PCDHGB3: variants seen among roughly 807,000 people sequenced by gnomAD.
PCDHGB3 encodes the protein protocadherin gamma-B3.
PCDHGB3 carries 40 observed loss-of-function variants against 59.2 expected under a neutral mutation model. That is an observed-to-expected ratio of 0.68 (90% CI 0.52 to 0.88). PCDHGB3 has a LOEUF of 0.88. PCDHGB3 is among the 40% of genes least tolerant of loss of function. PCDHGB3 has a pLI of 0.00. For missense variants in PCDHGB3, 1,309 were observed against 1,187.9 expected, an observed-to-expected ratio of 1.10 and a Z score of -1.50; for synonymous variants, 581 against 503.6, an observed-to-expected ratio of 1.15 and a Z score of -2.06.
chr5:141,428,043 A>G, intron 1 of PCDHGB3: 1 of 1,608,722 alleles, frequency 6.2e-7, no homozygotes, highest in Non-Finnish European at 8.5e-7. Flanking sequence ...CTACCTGGTG[A>G]CCAAGGTGGT....
chr5:141,492,026 G>A, intron 1 of PCDHGB3: 1 of 567,198 alleles, frequency 1.8e-6, no homozygotes, highest in South Asian at 2.9e-5. Flanking sequence ...GGGGTCCCGG[G>A]AGGAGGCAGT....
In PCDHGB3 at chr5:141,433,172, G is replaced by C. The variant is rs147848043; in HGVS notation, c.2415+60363G>C. 533 of 1,610,720 alleles carry C rather than the reference G, an allele frequency of 3.3e-4. 5 individuals carry two copies. In the South Asian group the frequency reaches 5.0e-3, roughly 15 times the overall value. On this transcript the variant is annotated intron_variant, in intron 1 of 3. Transcript: ENST00000576222. ...TTCGGTATTTTCTAAAGACAGTCAT[G>C]GGTTAATTGAGGTGAGTTTATATCA...
intron 1 of PCDHGB3, chr5:141,383,327 T>G (rs576010988): frequency 1.2e-6 from 2 of 1,613,978 alleles, no homozygotes; most frequent in South Asian, 2.2e-5. Context: ...GTAAAAATAA[T>G]GGAGAATACA....
Position 141,490,479 on chromosome 5 carries a change from C to A in PCDHGB3, c.2416-4328C>A. 6.2e-7 allele frequency: 1 copy of A among 1,614,216 alleles called. No homozygotes were observed. Among genetic ancestry groups the A allele is most frequent in the South Asian group, 1.1e-5 (1 of 91,086 alleles). On this transcript the variant is annotated intron_variant, in intron 1 of 3. Transcript: ENST00000576222. The surrounding 1 kb of genome is among the most constrained non-coding windows in gnomAD (Gnocchi z 5.4). ...CGCTGCTAACCAGCCAGCCTTTGGA[C>A]CGGGAGGCCACATCCCACTATATCA...
chr5:141,374,122 G>C, intron 1 of PCDHGB3: 5 of 1,597,596 alleles, frequency 3.1e-6, no homozygotes, highest in Non-Finnish European at 4.3e-6. Context: ...GCAGCGAGCA[G>C]GTCCTGCTCC....
At chr5:141,452,742 G>C (rs779371001) in intron 1 of PCDHGB3, among the ~76,000 whole-genome samples, 7 of 152,010 alleles carry the variant, frequency 4.6e-5, no homozygotes, top group Non-Finnish European at 8.8e-5. Context: ...GGAAGAGAGA[G>C]AAGGAAGAAG....
At chr5:141,405,173 G>A (rs774181376) in intron 1 of PCDHGB3, 1 of 1,614,122 alleles carries the variant, frequency 6.2e-7, no homozygotes, top group Non-Finnish European at 8.5e-7. Context: ...CTCACACTTT[G>A]TGGGTGTAGA....
intron 1 of PCDHGB3, chr5:141,373,991 A>G (rs1241221882): frequency 8.2e-7 from 1 of 1,223,018 alleles, no homozygotes; most frequent in Non-Finnish European, 1.1e-6. Context: ...CTGCTTGTTG[A>G]AGGACCTTCA....
In PCDHGB3 at chr5:141,407,217, G is replaced by C. The variant is rs181833770; in HGVS notation, c.2415+34408G>C. 5.8e-3 allele frequency among the ~76,000 whole-genome samples: 885 copies of C among 151,964 alleles called. 4 individuals carry two copies. Among genetic ancestry groups the C allele is most frequent in the Non-Finnish European group, 9.1e-3 (620 of 67,966 alleles). ...TCAAACACGTTTTCCCCCTTAAGTG[G>C]GTAGCAAAAAAAATAAAGCATACTT... On this transcript the variant is annotated intron_variant, in intron 1 of 3. Transcript: ENST00000576222.
In PCDHGB3 at chr5:141,476,715, G is replaced by A. The variant is rs199871912; in HGVS notation, c.2416-18092G>A. 12 of 1,614,168 alleles carry A rather than the reference G, an allele frequency of 7.4e-6. No individual in the cohort carries two copies. The highest frequency in any genetic ancestry group is 1.7e-5 in the Admixed American group (1 of 60,032). On this transcript the variant is annotated intron_variant, in intron 1 of 3. Coordinates refer to ENST00000576222, the MANE Select transcript of PCDHGB3 (RefSeq NM_018924.5). The surrounding 1 kb of genome is among the most constrained non-coding windows in gnomAD (Gnocchi z 7.6). ...AAGTACGCGGAGCTGGTGTTGGAGC[G>A]CGCCCTGGACCGAGAACGGGAGCCT...
At position 141,486,408 on chromosome 5, in the gene PCDHGB3, C is replaced by G; in HGVS notation, c.2416-8399C>G. The G allele has an allele frequency of 1.2e-6, 2 of 1,614,156 alleles. No homozygotes were observed. The highest frequency in any genetic ancestry group is 1.7e-6 in the Non-Finnish European group (2 of 1,180,014). Reference sequence around the variant, plus strand: ...CAGTTCTCCCTGGTGACTGCTGGACCCTTGGATCGAGAGGCCAAATCTAGC... The same window carrying G: ...CAGTTCTCCCTGGTGACTGCTGGACGCTTGGATCGAGAGGCCAAATCTAGC... On this transcript the variant is annotated intron_variant, in intron 1 of 3. Transcript: ENST00000576222. This position sits in a 1 kb window ranked among gnomAD's most constrained non-coding sequence, Gnocchi z 5.0.
chr5:141,486,011 T>C lies in PCDHGB3; in HGVS notation c.2416-8796T>C. The C allele has an allele frequency of 6.2e-7, 1 of 1,614,188 alleles. No individual in the cohort carries two copies. Among genetic ancestry groups the C allele is most frequent in the Non-Finnish European group, 8.5e-7 (1 of 1,180,014 alleles). ...GGGTCCCAGTGGTAACGTCACCTTTTATTTCAGTGGTCATACCCCTGATCG... is the reference window on the plus strand; with the variant it reads ...GGGTCCCAGTGGTAACGTCACCTTTCATTTCAGTGGTCATACCCCTGATCG... On this transcript the variant is annotated intron_variant, in intron 1 of 3. Coordinates refer to ENST00000576222, the MANE Select transcript of PCDHGB3 (RefSeq NM_018924.5). This position sits in a 1 kb window ranked among gnomAD's most constrained non-coding sequence, Gnocchi z 5.0.
At chr5:141,409,324 G>C (rs759596277) in intron 1 of PCDHGB3, 1 of 1,614,000 alleles carries the variant, frequency 6.2e-7, no homozygotes, top group East Asian at 2.2e-5. Context: ...CACGGGATCT[G>C]GATTTCGGAG....
At chr5:141,505,302 G>A (rs1733345360) in intron 2 of PCDHGB3, 91 bp from the exon 3 acceptor site, 1 of 1,592,596 alleles carries the variant, frequency 6.3e-7, no homozygotes, top group Admixed American at 1.7e-5. Flanking sequence ...TAGGGTTAGG[G>A]TACTAGGTTT....
chr5:141,474,518 G>T (rs1054372142), intron 1 of PCDHGB3, among the ~76,000 whole-genome samples: 1 of 152,168 alleles, frequency 6.6e-6, no homozygotes, highest in African/African-American at 2.4e-5. Context: ...CCTCTTGCTG[G>T]TCTGGCTAAT....
In PCDHGB3 at chr5:141,489,255, A is replaced by G. The variant is rs909780010; in HGVS notation, c.2416-5552A>G. 2 of 1,548,804 alleles carry G rather than the reference A, an allele frequency of 1.3e-6. No individual in the cohort carries two copies. Among genetic ancestry groups the G allele is most frequent in the Non-Finnish European group, 1.7e-6 (2 of 1,147,848 alleles). On this transcript the variant is annotated intron_variant, in intron 1 of 3. Coordinates refer to ENST00000576222, the MANE Select transcript of PCDHGB3 (RefSeq NM_018924.5). The surrounding 1 kb of genome is among the most constrained non-coding windows in gnomAD (Gnocchi z 4.5). ...ACTTCTGGGTCATGGGGCCCAAGAC[A>G]CTCCCACAGCTCGCTGGGAAATGGC...
Position 141,371,977 on chromosome 5 carries a change from T to C in PCDHGB3, c.1583T>C (p.Phe528Ser), listed in dbSNP as rs1768257593. 1.2e-6 allele frequency: 2 copies of C among 1,613,238 alleles called. No individual in the cohort carries two copies. Among genetic ancestry groups the C allele is most frequent in the Non-Finnish European group, 1.7e-6 (2 of 1,179,778 alleles). The change falls in exon 1 of 4, where the codon TTC becomes TCC. Residue 528 changes from phenylalanine to serine, a missense_variant. Transcript: ENST00000576222. Reference sequence around the variant, plus strand: ...TTCGACCACGAGCAGCTGCGTGCCTTCGAGCTCACTCTGCAGGCCCGCGAC... The same window carrying C: ...TTCGACCACGAGCAGCTGCGTGCCTCCGAGCTCACTCTGCAGGCCCGCGAC... ...RAFDHEQLRAFELTLQARDQG... is the reference protein window; with the variant it reads ...RAFDHEQLRASELTLQARDQG...
At position 141,494,934 on chromosome 5, in the gene PCDHGB3, T is replaced by C. The variant is rs2099757666; in HGVS notation, c.2474+69T>C. On this transcript the variant is annotated intron_variant, in intron 2 of 3. Transcript: ENST00000576222. ...TTCTCAGGGATGACGTGGGAGGAGA[T>C]GGGGGAGGGCCCAGCATTTGCTACA... 5.6e-6 allele frequency: 9 copies of C among 1,612,736 alleles called. No individual in the cohort carries two copies. The South Asian group carries it at 7.7e-5, about 14-fold the overall frequency.
chr5:141,446,043 A>T (rs1374577548), intron 1 of PCDHGB3, among the ~76,000 whole-genome samples: 2 of 152,226 alleles, frequency 1.3e-5, no homozygotes, highest in Non-Finnish European at 2.9e-5. Flanking sequence ...AAATGGAAGA[A>T]GAGCTGGCTT....
Sources: gnomAD v4.1 joint callset for allele counts (sites outside exome capture counted in the v4.1 genomes callset) on GRCh38, gnomAD v4.1.1 for gene constraint, Gnocchi (gnomAD v3.1) non-coding constraint, MANE v1.5 for transcripts, NCBI Gene and HGNC (gene_info 2026-07-23, HGNC 2026-07-21) for gene names.